RPS6KC1: variants seen among roughly 807,000 people sequenced by gnomAD.
RPS6KC1 encodes ribosomal protein S6 kinase C1.
Under a neutral mutation model 103.8 loss-of-function variants are expected in RPS6KC1, and 54 were observed. The observed-to-expected ratio is 0.52, with a 90% confidence interval of 0.42 to 0.65. The LOEUF (loss-of-function observed/expected upper bound fraction) is 0.65, where lower values mean the gene tolerates loss of function less well. Among genes scored for constraint, RPS6KC1 ranks in the 30% least tolerant of loss-of-function variants. The pLI, the probability that RPS6KC1 is intolerant of heterozygous loss-of-function variation, is 0.00. For synonymous variants in RPS6KC1, 439 were observed against 438.7 expected, an observed-to-expected ratio of 1.00 and a Z score of -0.01; for missense variants, 1,151 against 1,253.8, an observed-to-expected ratio of 0.92 and a Z score of 1.24.
At chr1:213,068,871 ATATG>A (rs1378437164) in intron 1 of RPS6KC1, among the ~76,000 whole-genome samples, 187 of 93,782 alleles carry the variant, frequency 2.0e-3, no homozygotes, top group African/African-American at 4.9e-3. Flanking sequence ...AAAAGTGTAT[ATATG>A]TGTGTGTGTG....
At chr1:213,629,566 G>A in the RPS6KC1 span, among the ~76,000 whole-genome samples, 1 of 152,098 alleles carries the variant, frequency 6.6e-6, no homozygotes, top group Non-Finnish European at 1.5e-5. Context: ...TTTAATTGGA[G>A]CATTTAGCCC....
chr1:213,300,532 G>T, the RPS6KC1 span, among the ~76,000 whole-genome samples: 3 of 152,206 alleles, frequency 2.0e-5, no homozygotes, highest in East Asian at 3.8e-4. Flanking sequence ...TCATGGCAGA[G>T]ACTTTCCCCT....
chr1:213,404,535 C>T, the RPS6KC1 span, among the ~76,000 whole-genome samples: 1 of 152,166 alleles, frequency 6.6e-6, no homozygotes, highest in East Asian at 1.9e-4. Context: ...ATCCATGCTA[C>T]GTGAGGACCA....
chr1:213,262,584 A>C, intron 13 of RPS6KC1, 137 bp from the exon 14 acceptor site: 1 of 649,816 alleles, frequency 1.5e-6, no homozygotes, highest in South Asian at 1.9e-5. Flanking sequence ...TAAACTGCTT[A>C]GGCGGCACTG....
At chr1:213,817,487 GA>G in the RPS6KC1 span, among the ~76,000 whole-genome samples, 1 of 152,180 alleles carries the variant, frequency 6.6e-6, no homozygotes, top group African/African-American at 2.4e-5. Context: ...CTTCCTAATT[GA>G]ATAACTTAGG....
chr1:213,293,708 A>T, the RPS6KC1 span, among the ~76,000 whole-genome samples: 3 of 152,202 alleles, frequency 2.0e-5, no homozygotes, highest in Admixed American at 6.5e-5. Flanking sequence ...ACTGTACCCC[A>T]GGTGACTCAA....
rs148594685 is a variant in RPS6KC1, at chr1:213,170,389, A to G, written c.951+2416A>G. Among the ~76,000 whole-genome samples, 15 of 152,372 alleles carry G rather than the reference A, an allele frequency of 9.8e-5. No homozygotes were observed. In the East Asian group the frequency reaches 2.3e-3, roughly 23 times the overall value. ...AGGAAAGCTGATTACATTTGATTAT[A>G]CAGTAATTCATTAAGCATCTTTTAA... On this transcript the variant is annotated intron_variant, in intron 7 of 14. Coordinates refer to ENST00000366960, the MANE Select transcript of RPS6KC1 (RefSeq NM_012424.6).
At chr1:213,589,938 GGTGT>G in the RPS6KC1 span, among the ~76,000 whole-genome samples, 24,461 of 132,480 alleles carry the variant, frequency 0.18, 2,274 homozygotes, top group Non-Finnish European at 0.21. Flanking sequence ...AAAAGGTAGT[GGTGT>G]GTGTGTGTGT....
At chr1:213,830,964 C>A in the RPS6KC1 span, among the ~76,000 whole-genome samples, 1 of 152,166 alleles carries the variant, frequency 6.6e-6, no homozygotes, top group Non-Finnish European at 1.5e-5. Context: ...CTCAAAGACC[C>A]CCCTGCCAGT....
chr1:213,058,913 T>C (rs1037975198), intron 1 of RPS6KC1, among the ~76,000 whole-genome samples: 6 of 152,250 alleles, frequency 3.9e-5, no homozygotes, highest in African/African-American at 1.4e-4. Flanking sequence ...AGTTTATTTG[T>C]GTTCTCTGAT....
At chr1:213,267,862 A>G (rs903048162) in intron 14 of RPS6KC1, among the ~76,000 whole-genome samples, 19 of 151,984 alleles carry the variant, frequency 1.3e-4, no homozygotes, top group Admixed American at 2.0e-4. Context: ...ATGAACTTAA[A>G]TTAATAGAAA....
the RPS6KC1 span, among the ~76,000 whole-genome samples, chr1:213,769,344 G>C: frequency 6.6e-6 from 1 of 152,094 alleles, no homozygotes; most frequent in East Asian, 1.9e-4. Flanking sequence ...ATTTTCATTC[G>C]ATAGTATGGG....
Position 213,129,859 on chromosome 1 carries a change from G to A in RPS6KC1, c.805G>A (p.Gly269Arg). The part of the protein sequence containing the change: ...YEAASDFYRK[G>R]VDLLLEGVQG... ...AGCTGCTTCTGATTTTTATAGGAAGGGAGTTGATTTACTCCTAGAAGGTGT... is the reference window on the plus strand; with the variant it reads ...AGCTGCTTCTGATTTTTATAGGAAGAGAGTTGATTTACTCCTAGAAGGTGT... The change falls in exon 6 of 15, where the codon GGA becomes AGA. Residue 269 changes from glycine to arginine, a missense_variant. By Grantham distance (125) the Gly-to-Arg change is moderately radical. Around this residue, in one of 3 missense-constraint regions of RPS6KC1, gnomAD observed 959 missense variants for 1,006.3 expected, o/e 0.95. Coordinates refer to ENST00000366960, the MANE Select transcript of RPS6KC1 (RefSeq NM_012424.6). The A allele has an allele frequency of 6.2e-7, 1 of 1,608,586 alleles. No individual in the cohort carries two copies. Among genetic ancestry groups the A allele is most frequent in the Admixed American group, 1.7e-5 (1 of 58,596 alleles).
the RPS6KC1 span, among the ~76,000 whole-genome samples, chr1:213,647,970 C>T: frequency 6.6e-6 from 1 of 152,224 alleles, no homozygotes; most frequent in Non-Finnish European, 1.5e-5. Flanking sequence ...GACCCCACTA[C>T]TCTCATTCCC....
chr1:213,483,299 T>G, the RPS6KC1 span, among the ~76,000 whole-genome samples: 7,573 of 152,236 alleles, frequency 0.05, 610 homozygotes, highest in African/African-American at 0.17. Flanking sequence ...GACGTGGGGA[T>G]TATGGGAACT....
At chr1:213,400,069 A>G in the RPS6KC1 span, among the ~76,000 whole-genome samples, 1 of 152,132 alleles carries the variant, frequency 6.6e-6, no homozygotes, top group Non-Finnish European at 1.5e-5. Context: ...TAGAAAAAAG[A>G]GGTGGGCGGG....
chr1:213,649,499 T>A, the RPS6KC1 span, among the ~76,000 whole-genome samples: 3 of 152,098 alleles, frequency 2.0e-5, no homozygotes, highest in African/African-American at 7.2e-5. Flanking sequence ...CCCGCTTTGA[T>A]GCTATTGTTC....
the RPS6KC1 span, among the ~76,000 whole-genome samples, chr1:213,425,148 A>AT: frequency 1.3e-5 from 2 of 152,198 alleles, no homozygotes; most frequent in Admixed American, 6.5e-5. Flanking sequence ...ATTAAAAAAA[A>AT]ATCTTTCCCC....
chr1:213,502,414 G>T, the RPS6KC1 span, among the ~76,000 whole-genome samples: 7 of 152,156 alleles, frequency 4.6e-5, no homozygotes, highest in Admixed American at 1.3e-4. Context: ...GATATAAATA[G>T]GACATTAATA....
Sources: gnomAD v4.1 joint callset for allele counts (sites outside exome capture counted in the v4.1 genomes callset) on GRCh38, gnomAD v4.1.1 for gene constraint, gnomAD v4.1.1 regional missense constraint, MANE v1.5 for transcripts, NCBI Gene and HGNC (gene_info 2026-07-23, HGNC 2026-07-21) for gene names.